HTR1F: variants seen among roughly 807,000 people sequenced by gnomAD.
The protein encoded by HTR1F is 5-hydroxytryptamine (serotonin) receptor 1F, G protein-coupled.
A neutral mutation model predicts 24.0 loss-of-function variants in HTR1F; 17 were observed. The observed-to-expected ratio is 0.71, with a 90% CI of 0.48 to 1.06. The LOEUF (loss-of-function observed/expected upper bound fraction) is 1.06. Among genes scored for constraint, HTR1F ranks in the 50% least tolerant of loss-of-function variants. HTR1F has a pLI of 0.00. For missense variants in HTR1F, 391 were observed against 427.8 expected (o/e 0.91, Z 0.76); for synonymous variants, 186 against 156.8 (o/e 1.19, Z -1.39).
chr3:87,882,412 G>A (rs914228678), intron 2 of HTR1F, among the ~76,000 whole-genome samples: 4 of 152,124 alleles, frequency 2.6e-5, no homozygotes, highest in African/African-American at 9.7e-5. Flanking sequence ...GCACACATAT[G>A]TTTATTGCGG....
At position 87,863,122 on chromosome 3, in the gene HTR1F, T is replaced by C. The variant is rs530831259; in HGVS notation, c.-43+40998T>C. 5.9e-5 allele frequency among the ~76,000 whole-genome samples: 9 copies of C among 152,316 alleles called. No individual in the cohort carries two copies. The South Asian group carries it at 1.7e-3, about 28-fold the overall frequency. On this transcript the variant is annotated intron_variant, in intron 2 of 2. Coordinates refer to ENST00000319595, the MANE Select transcript of HTR1F (RefSeq NM_001322209.2). ...TGAGCCACTGTGCCTGGCCACATAC[T>C]TACTTTTTTCAAAAAGCCTTTTATA...
intron 2 of HTR1F, among the ~76,000 whole-genome samples, chr3:87,971,550 C>A (rs1325241357): frequency 6.6e-6 from 1 of 151,840 alleles, no homozygotes; most frequent in Non-Finnish European, 1.5e-5. Flanking sequence ...CAGAATGAGA[C>A]CCTATCTCAA....
chr3:87,950,990 G>T (rs888540709), intron 2 of HTR1F, among the ~76,000 whole-genome samples: 1 of 151,944 alleles, frequency 6.6e-6, no homozygotes, highest in African/African-American at 2.4e-5. Flanking sequence ...GCCCTATTTT[G>T]TCTGGGTCTA....
At position 87,984,452 on chromosome 3, in the gene HTR1F, T is replaced by C. The variant is rs796522245; in HGVS notation, c.-42-6256T>C. Among the ~76,000 whole-genome samples, 11 of 95,466 alleles carry C rather than the reference T, an allele frequency of 1.2e-4. 1 individual carries two copies. Among genetic ancestry groups the C allele is most frequent in the African/African-American group, 3.8e-4 (11 of 28,806 alleles). The allele number at this position is 95,466 out of a possible 152,430, so 62.6% of individuals were successfully genotyped here. A position where few individuals can be genotyped will look rare whatever the true frequency, so the allele number is the denominator to read the frequency against. ...GTGGTAGGAAAGAGGTTTTTTTGTTTGTTTGTTTTGTTTTTGTTTTGAGAC... is the reference window on the plus strand; with the variant it reads ...GTGGTAGGAAAGAGGTTTTTTTGTTCGTTTGTTTTGTTTTTGTTTTGAGAC... On this transcript the variant is annotated intron_variant, in intron 2 of 2. Coordinates refer to ENST00000319595, the MANE Select transcript of HTR1F (RefSeq NM_001322209.2).
At chr3:87,952,592 A>G (rs1192073949) in intron 2 of HTR1F, among the ~76,000 whole-genome samples, 2 of 152,042 alleles carry the variant, frequency 1.3e-5, no homozygotes, top group East Asian at 1.9e-4. Context: ...AAAGGAAATG[A>G]TATCTTCACG....
chr3:87,885,034 A>T (rs1032014409), intron 2 of HTR1F, among the ~76,000 whole-genome samples: 2 of 152,232 alleles, frequency 1.3e-5, no homozygotes, highest in African/African-American at 4.8e-5. Context: ...TCGACAGAAT[A>T]TACATTCTCC....
intron 2 of HTR1F, among the ~76,000 whole-genome samples, chr3:87,937,765 C>T (rs564653377): frequency 3.3e-5 from 5 of 151,708 alleles, no homozygotes; most frequent in African/African-American, 1.2e-4. Context: ...CTACTAAAAA[C>T]ACAAAAAAAT....
chr3:87,950,465 C>T (rs764457536), intron 2 of HTR1F, among the ~76,000 whole-genome samples: 16 of 151,840 alleles, frequency 1.1e-4, no homozygotes, highest in African/African-American at 2.4e-4. Context: ...TACATAACCA[C>T]GTCTTGACTC....
intron 2 of HTR1F, among the ~76,000 whole-genome samples, chr3:87,977,605 G>A (rs1358098280): frequency 6.8e-6 from 1 of 147,888 alleles, no homozygotes; most frequent in East Asian, 2.0e-4. Context: ...TGTATTTTTA[G>A]TAGAGACAAG....
intron 2 of HTR1F, among the ~76,000 whole-genome samples, chr3:87,904,365 C>T (rs1193005252): frequency 1.3e-5 from 2 of 152,048 alleles, no homozygotes; most frequent in Non-Finnish European, 2.9e-5. Flanking sequence ...AATTTCATTG[C>T]TTTCTATTTA....
intron 2 of HTR1F, among the ~76,000 whole-genome samples, chr3:87,942,801 A>G (rs1231159014): frequency 1.3e-5 from 2 of 151,594 alleles, no homozygotes; most frequent in African/African-American, 4.9e-5. Context: ...ATTATAAAAA[A>G]CCCAGGTTAC....
intron 2 of HTR1F, among the ~76,000 whole-genome samples, chr3:87,861,703 A>C (rs1705322190): frequency 6.6e-6 from 1 of 152,150 alleles, no homozygotes; most frequent in Admixed American, 6.6e-5. Context: ...TTTTCATTGC[A>C]TGATGAAAAT....
chr3:87,977,926 T>C (rs1228483433), intron 2 of HTR1F, among the ~76,000 whole-genome samples: 1 of 152,218 alleles, frequency 6.6e-6, no homozygotes, highest in African/African-American at 2.4e-5. Flanking sequence ...CCACTCATCC[T>C]GGAAGTCTGC....
intron 1 of HTR1F, among the ~76,000 whole-genome samples, chr3:87,804,319 C>T (rs1435733007): frequency 6.6e-6 from 1 of 151,958 alleles, no homozygotes; most frequent in African/African-American, 2.4e-5. Context: ...TGCCTGTGGT[C>T]CCAGCTATTC....
chr3:87,956,019 A>C (rs1343552080), intron 2 of HTR1F, among the ~76,000 whole-genome samples: 1 of 151,292 alleles, frequency 6.6e-6, no homozygotes, highest in Non-Finnish European at 1.5e-5. Context: ...TTTATTTTTT[A>C]ACAGTTTTTT....
At chr3:87,918,023 G>A (rs6781535) in intron 2 of HTR1F, among the ~76,000 whole-genome samples, 4,925 of 151,924 alleles carry the variant, frequency 0.032, 243 homozygotes, top group African/African-American at 0.11. Flanking sequence ...AATTCATCAC[G>A]AACAAGAGGG....
chr3:87,890,977 G>A (rs1309013828), intron 2 of HTR1F, among the ~76,000 whole-genome samples: 6 of 151,916 alleles, frequency 3.9e-5, no homozygotes, highest in Non-Finnish European at 7.4e-5. Flanking sequence ...AAGTAGCTGG[G>A]ATTACAGGCA....
At chr3:87,937,167 G>C (rs1050843991) in intron 2 of HTR1F, among the ~76,000 whole-genome samples, 10 of 149,976 alleles carry the variant, frequency 6.7e-5, no homozygotes, top group Non-Finnish European at 1.3e-4. Flanking sequence ...ACCTGCCAGA[G>C]ACCAACAAAA....
chr3:87,929,995 C>CT (rs1343461077), intron 2 of HTR1F, among the ~76,000 whole-genome samples: 1 of 152,008 alleles, frequency 6.6e-6, no homozygotes, highest in African/African-American at 2.4e-5. Flanking sequence ...TTTTGTAGTT[C>CT]TACTTGCAGA....
Sources: gnomAD v4.1 joint callset for allele counts (sites outside exome capture counted in the v4.1 genomes callset) on GRCh38, gnomAD v4.1.1 for gene constraint, MANE v1.5 for transcripts, NCBI Gene and HGNC (gene_info 2026-07-23, HGNC 2026-07-21) for gene names.